STXBP5: variants seen among roughly 807,000 people sequenced by gnomAD.
The protein encoded by STXBP5 is syntaxin binding protein 5.
STXBP5 carries 50 observed loss-of-function variants against 152.4 expected under a neutral mutation model. That is an observed-to-expected ratio of 0.33 (90% CI 0.26 to 0.42). STXBP5 has a LOEUF of 0.42. Among genes scored for constraint, STXBP5 ranks in the 10% least tolerant of loss-of-function variants. STXBP5 has a pLI of 1.00. For synonymous variants in STXBP5, 492 were observed against 494.7 expected (o/e 0.99, Z 0.07); for missense variants, 1,167 against 1,388.6 (o/e 0.84, Z 2.54).
At chr6:147,214,562 T>G (rs1449145813) in intron 2 of STXBP5, among the ~76,000 whole-genome samples, 1 of 152,212 alleles carries the variant, frequency 6.6e-6, no homozygotes, top group Admixed American at 6.5e-5. Flanking sequence ...AAACCCAATG[T>G]CTTTGTGATA....
At chr6:147,256,894 A>T (rs895615357) in intron 4 of STXBP5, among the ~76,000 whole-genome samples, 4 of 152,144 alleles carry the variant, frequency 2.6e-5, no homozygotes, top group African/African-American at 9.7e-5. Flanking sequence ...CTAATGGTTA[A>T]TTTCAACATT....
chr6:147,315,474 T>C (rs376009900), intron 14 of STXBP5, 41 bp from the exon 15 acceptor site: 2 of 1,366,988 alleles, frequency 1.5e-6, no homozygotes, highest in Non-Finnish European at 1.0e-6. Context: ...TGTTTGATCA[T>C]TTTATATTAA....
At chr6:147,242,475 A>G (rs988860847) in intron 4 of STXBP5, among the ~76,000 whole-genome samples, 4 of 152,160 alleles carry the variant, frequency 2.6e-5, no homozygotes, top group African/African-American at 9.7e-5. Context: ...CTTCACAGTC[A>G]CTTACCACTG....
At chr6:147,331,650 G>A (rs746102516) in intron 18 of STXBP5, among the ~76,000 whole-genome samples, 10 of 152,146 alleles carry the variant, frequency 6.6e-5, no homozygotes, top group Non-Finnish European at 1.3e-4. Flanking sequence ...GTATGTGCCA[G>A]TAATGTGGCA....
chr6:147,334,056 T>G (rs888332662), intron 18 of STXBP5, 101 bp from the exon 19 acceptor site: 2 of 1,130,562 alleles, frequency 1.8e-6, no homozygotes, highest in African/African-American at 3.1e-5. Context: ...TTTATTGGGT[T>G]CTTTTAAATG....
At chr6:147,376,599 T>G (rs1424488240) in intron 26 of STXBP5, among the ~76,000 whole-genome samples, 2 of 152,106 alleles carry the variant, frequency 1.3e-5, no homozygotes, top group East Asian at 1.9e-4. Flanking sequence ...GGAGGGTTGC[T>G]GGAGACCAGG....
chr6:147,301,747 AT>A (rs1230263873), intron 9 of STXBP5, among the ~76,000 whole-genome samples: 1 of 152,074 alleles, frequency 6.6e-6, no homozygotes, highest in African/African-American at 2.4e-5. Context: ...GCTTAGTACA[AT>A]TCTGATGTCT....
intron 26 of STXBP5, among the ~76,000 whole-genome samples, chr6:147,380,740 A>G (rs534866785): frequency 2.6e-5 from 4 of 152,288 alleles, no homozygotes; most frequent in Non-Finnish European, 2.9e-5. Context: ...AAAGAATGGG[A>G]TGAAATATTT....
chr6:147,371,915 CA>C (rs2128418171), intron 25 of STXBP5, among the ~76,000 whole-genome samples: 1 of 152,166 alleles, frequency 6.6e-6, no homozygotes, highest in South Asian at 2.1e-4. Context: ...TACGTTGTAA[CA>C]ATTTAATACA....
At chr6:147,251,354 A>AC (rs1779086466) in intron 4 of STXBP5, among the ~76,000 whole-genome samples, 1 of 151,926 alleles carries the variant, frequency 6.6e-6, no homozygotes, top group African/African-American at 2.4e-5. Context: ...CCAGCACAAA[A>AC]CTGGCCGGCC....
At chr6:147,296,470 A>G (rs2128357309) in intron 9 of STXBP5, among the ~76,000 whole-genome samples, 1 of 152,160 alleles carries the variant, frequency 6.6e-6, no homozygotes, top group Middle Eastern at 3.4e-3. Context: ...CATAACACCC[A>G]TATACAGGAA....
chr6:147,310,366 A>T (rs567714655), intron 10 of STXBP5, 128 bp downstream of exon 10: 2 of 661,704 alleles, frequency 3.0e-6, no homozygotes, highest in African/African-American at 3.8e-5. Context: ...GAGCTGCTGC[A>T]TTCATAATCT....
At chr6:147,370,631 A>C (rs566171954) in intron 25 of STXBP5, among the ~76,000 whole-genome samples, 7 of 152,178 alleles carry the variant, frequency 4.6e-5, no homozygotes, top group Non-Finnish European at 7.4e-5. Flanking sequence ...AATTTGCTAT[A>C]ATCGTAGAGG....
intron 8 of STXBP5, among the ~76,000 whole-genome samples, chr6:147,284,475 A>G (rs1190882532): frequency 6.6e-6 from 1 of 152,240 alleles, no homozygotes; most frequent in African/African-American, 2.4e-5. Context: ...AATAAAAATG[A>G]TCTATAAACT....
At chr6:147,257,371 C>G (rs1779421766) in intron 4 of STXBP5, among the ~76,000 whole-genome samples, 1 of 151,494 alleles carries the variant, frequency 6.6e-6, no homozygotes, top group Admixed American at 6.6e-5. Flanking sequence ...AAATAAATAA[C>G]CTTATTAGTG....
intron 17 of STXBP5, among the ~76,000 whole-genome samples, chr6:147,326,000 G>C (rs1783234550): frequency 1.3e-5 from 2 of 152,184 alleles, no homozygotes; most frequent in African/African-American, 4.8e-5. Flanking sequence ...AAGTATATGG[G>C]AGACTGTACA....
At chr6:147,315,869 T>C (rs1782616647) in intron 15 of STXBP5, 134 bp downstream of exon 15, 1 of 732,584 alleles carries the variant, frequency 1.4e-6, no homozygotes, top group African/African-American at 1.8e-5. Context: ...TATATTATTA[T>C]CTCTCTTTTG....
intron 21 of STXBP5, among the ~76,000 whole-genome samples, chr6:147,341,988 C>A (rs997957807): frequency 6.6e-6 from 1 of 152,120 alleles, no homozygotes; most frequent in Non-Finnish European, 1.5e-5. Context: ...TGGTACACAG[C>A]TAATAAATGA....
chr6:147,310,541 T>C (rs1171602190), intron 10 of STXBP5, among the ~76,000 whole-genome samples: 1 of 151,660 alleles, frequency 6.6e-6, no homozygotes, highest in African/African-American at 2.4e-5. Flanking sequence ...GATTGATTGA[T>C]TGATTGATTG....
Sources: allele counts gnomAD v4.1 joint callset (sites outside exome capture counted in the v4.1 genomes callset), GRCh38; gene constraint gnomAD v4.1.1; transcripts MANE v1.5; gene names NCBI Gene and HGNC (gene_info 2026-07-23, HGNC 2026-07-21).